The following C1GALT1 variants were observed in gnomAD, a reference collection of about 807,000 sequenced individuals.
The protein encoded by C1GALT1 is glycoprotein-N-acetylgalactosamine 3-beta-galactosyltransferase 1.
In C1GALT1, 11 loss-of-function variants were observed where a neutral mutation model predicts 31.0. The ratio of observed to expected loss-of-function variants is 0.36; its 90% confidence interval spans 0.22 to 0.59. The LOEUF is 0.59. Ranked by LOEUF, C1GALT1 falls within the 20% of genes least tolerant of loss-of-function variation. The probability of loss-of-function intolerance (pLI) is 0.79; values close to 1 mark genes in which losing one functional copy is unlikely to be tolerated. For missense variants in C1GALT1, 424 were observed against 425.2 expected (o/e 1.00, Z 0.03); for synonymous variants, 175 against 143.6 (o/e 1.22, Z -1.56).
chr7:7,240,760 G>A (rs1303729362), intron 3 of C1GALT1, among the ~76,000 whole-genome samples: 1 of 152,040 alleles, frequency 6.6e-6, no homozygotes, highest in African/African-American at 2.4e-5. Context: ...GACATTGCCT[G>A]TTCTCCCTCA....
At chr7:7,220,690 T>C (rs1216789501) in intron 1 of C1GALT1, among the ~76,000 whole-genome samples, 1 of 151,180 alleles carries the variant, frequency 6.6e-6, no homozygotes, top group Non-Finnish European at 1.5e-5. Context: ...CCCAGCTGAT[T>C]TTTGTATTTT....
In C1GALT1 at chr7:7,238,498, A is replaced by G. The variant is rs764552307; in HGVS notation, c.464A>G (p.His155Arg). 2.5e-6 allele frequency: 4 copies of G among 1,614,052 alleles called. No homozygotes were observed. The highest frequency in any genetic ancestry group is 3.3e-5 in the Admixed American group (2 of 60,010). The part of the protein sequence containing the change: ...WKTIKAFQYV[H>R]EHYLEDADWF... ...ACAATTAAAGCTTTTCAGTATGTTC[A>G]TGAACATTATTTAGAAGATGCTGAT... The change falls in exon 3 of 4, where the codon CAT (histidine) becomes CGT (arginine). Residue 155 changes from histidine to arginine, a missense_variant. By Grantham distance (29) the His-to-Arg change is conservative. Around this residue, in one of 3 missense-constraint regions of C1GALT1, gnomAD observed 44 missense variants for 78.3 expected, o/e 0.56. Transcript: ENST00000436587. This position sits in a 1 kb window ranked among gnomAD's most constrained non-coding sequence, Gnocchi z 5.2.
intron 1 of C1GALT1, among the ~76,000 whole-genome samples, chr7:7,198,657 C>G (rs1029645875): frequency 6.6e-6 from 1 of 152,150 alleles, no homozygotes; most frequent in African/African-American, 2.4e-5. Context: ...GTGAATCCAT[C>G]TGGTCCTGGA....
In C1GALT1 at chr7:7,198,560, G is replaced by T. The variant is rs563153475; in HGVS notation, c.-18+15740G>T. On this transcript the variant is annotated intron_variant, in intron 1 of 3. Transcript: ENST00000436587. Reference sequence around the variant, plus strand: ...GATGCTGGCCTCATAAAATGAGTTAGGGAGGATTCCCTCTTTTTCTGTTGA... The same window carrying T: ...GATGCTGGCCTCATAAAATGAGTTATGGAGGATTCCCTCTTTTTCTGTTGA... 2.0e-5 allele frequency among the ~76,000 whole-genome samples: 3 copies of T among 152,272 alleles called. No homozygotes were observed. The East Asian group carries it at 5.8e-4, about 29-fold the overall frequency.
intron 2 of C1GALT1, among the ~76,000 whole-genome samples, chr7:7,175,297 T>C (rs531289029): frequency 6.6e-6 from 1 of 152,334 alleles, no homozygotes; most frequent in South Asian, 2.1e-4. Context: ...GCTCTCACAG[T>C]CTTTGCAAAG....
chr7:7,220,981 T>C (rs1782486257), intron 1 of C1GALT1, among the ~76,000 whole-genome samples: 1 of 131,170 alleles, frequency 7.6e-6, no homozygotes, highest in Non-Finnish European at 1.6e-5. Flanking sequence ...TGTGACCTTT[T>C]GTTCCTCTCT....
chr7:7,171,589 A>G (rs1273564395), intron 2 of C1GALT1, among the ~76,000 whole-genome samples: 1 of 152,112 alleles, frequency 6.6e-6, no homozygotes, highest in Non-Finnish European at 1.5e-5. Flanking sequence ...ATCTAAAATA[A>G]TTACTCATAA....
chr7:7,225,554 AAAT>A (rs1246921484), intron 1 of C1GALT1, among the ~76,000 whole-genome samples: 27 of 152,358 alleles, frequency 1.8e-4, no homozygotes, highest in Non-Finnish European at 3.2e-4. Context: ...TCTACTTAAT[AAAT>A]TTATTTTTGT....
chr7:7,212,446 A>AGT (rs1782047538), intron 1 of C1GALT1, among the ~76,000 whole-genome samples: 1 of 151,298 alleles, frequency 6.6e-6, no homozygotes, highest in South Asian at 2.1e-4. Flanking sequence ...GCACTAATGC[A>AGT]AACAACTATA....
chr7:7,229,862 A>G (rs543509729), intron 1 of C1GALT1, among the ~76,000 whole-genome samples: 1 of 152,314 alleles, frequency 6.6e-6, no homozygotes, highest in African/African-American at 2.4e-5. Context: ...GATTGGGTGT[A>G]GAGAGAAGGA....
intron 1 of C1GALT1, among the ~76,000 whole-genome samples, chr7:7,189,159 C>G (rs772949734): frequency 6.6e-6 from 1 of 152,070 alleles, no homozygotes; most frequent in Non-Finnish European, 1.5e-5. Context: ...TTAACAGCTA[C>G]TACTATTCTA....
At chr7:7,191,338 A>C (rs1781062108) in intron 1 of C1GALT1, among the ~76,000 whole-genome samples, 1 of 152,150 alleles carries the variant, frequency 6.6e-6, no homozygotes, top group African/African-American at 2.4e-5. Flanking sequence ...TTCAAGGCTG[A>C]ATACTATTCC....
upstream of C1GALT1, among the ~76,000 whole-genome samples, chr7:7,181,201 A>C (rs189111074): frequency 9.2e-5 from 14 of 152,184 alleles, no homozygotes; most frequent in Non-Finnish European, 1.9e-4. Flanking sequence ...CATTGCGGAA[A>C]GGTGGAAGGA....
intron 1 of C1GALT1, among the ~76,000 whole-genome samples, chr7:7,231,891 T>G (rs1783091626): frequency 6.6e-6 from 1 of 152,230 alleles, no homozygotes; most frequent in African/African-American, 2.4e-5. Context: ...ATCCAGTCAG[T>G]GGCTGAGATG....
chr7:7,185,489 C>G (rs1034205409), intron 1 of C1GALT1, among the ~76,000 whole-genome samples: 1 of 152,206 alleles, frequency 6.6e-6, no homozygotes, highest in Admixed American at 6.5e-5. Flanking sequence ...TATGGCCATG[C>G]TCTCTCAAGG....
At chr7:7,190,651 C>G (rs1241776250) in intron 1 of C1GALT1, among the ~76,000 whole-genome samples, 1 of 152,022 alleles carries the variant, frequency 6.6e-6, no homozygotes. Context: ...CCCAGTTCCC[C>G]TTTCAAGAGT....
chr7:7,191,537 T>G (rs905657267), intron 1 of C1GALT1, among the ~76,000 whole-genome samples: 5 of 152,128 alleles, frequency 3.3e-5, no homozygotes, highest in Admixed American at 1.3e-4. Context: ...ATTTTTAATT[T>G]TTTGAGGAAT....
rs576722157 is a variant in C1GALT1, at chr7:7,231,910, G to A, written c.-17-2393G>A. On this transcript the variant is annotated intron_variant, in intron 1 of 3. Transcript: ENST00000436587. ...AGTCAGTGGCTGAGATGACTCTAAC[G>A]TAGACTTCAGCCGTTGTAAAGATTG... Among the ~76,000 whole-genome samples, 98 of 152,278 alleles carry A rather than the reference G, an allele frequency of 6.4e-4. 2 individuals are homozygous for A. In the South Asian group the frequency reaches 0.012, roughly 18 times the overall value.
chr7:7,161,917 T>G (rs1780337354), intron 2 of C1GALT1, among the ~76,000 whole-genome samples: 1 of 152,114 alleles, frequency 6.6e-6, no homozygotes, highest in South Asian at 2.1e-4. Flanking sequence ...GAGGGCTGAC[T>G]TACTGAAAGT....
Sources: gnomAD v4.1 joint callset for allele counts (sites outside exome capture counted in the v4.1 genomes callset) on GRCh38, gnomAD v4.1.1 for gene constraint, gnomAD v4.1.1 regional missense constraint, Gnocchi (gnomAD v3.1) non-coding constraint, MANE v1.5 for transcripts, NCBI Gene and HGNC (gene_info 2026-07-23, HGNC 2026-07-21) for gene names.